The following QKI variants were observed in gnomAD, a reference collection of about 807,000 sequenced individuals.
QKI encodes QKI, KH domain containing RNA binding, also known as KH domain-containing RNA-binding protein QKI.
QKI carries 10 observed loss-of-function variants against 39.0 expected under a neutral mutation model. The observed-to-expected ratio is 0.26, with a 90% CI of 0.16 to 0.43. The LOEUF is 0.43. QKI is among the 20% of genes least tolerant of loss of function. The pLI is 1.00. For missense variants in QKI, 218 were observed against 428.0 expected (o/e 0.51, Z 4.33); for synonymous variants, 204 against 155.4 (o/e 1.31, Z -2.33).
At chr6:163,490,410 T>A (rs1562482802) in intron 3 of QKI, among the ~76,000 whole-genome samples, 1 of 152,204 alleles carries the variant, frequency 6.6e-6, no homozygotes. Context: ...GCAGCGGAGA[T>A]GATATATACA....
chr6:163,450,167 C>G (rs1418057427), intron 1 of QKI, among the ~76,000 whole-genome samples: 1 of 152,098 alleles, frequency 6.6e-6, no homozygotes, highest in African/African-American at 2.4e-5. Flanking sequence ...AAGCAATTCT[C>G]CTGCCTCAGC....
Position 163,415,095 on chromosome 6 carries a change from G to C in QKI, c.-99G>C. On this transcript the variant is annotated 5_prime_UTR_variant, in exon 1 of 8. Coordinates refer to ENST00000361752, the MANE Select transcript of QKI (RefSeq NM_006775.3). ...GAGCCGGCGCGGAGCGGGACGCCGG[G>C]TCCCGAGCGGCCCGCGGCCGGGGCT... 2.0e-6 allele frequency: 2 copies of C among 1,015,536 alleles called. No individual in the cohort carries two copies. Among genetic ancestry groups the C allele is most frequent in the Non-Finnish European group, 2.4e-6 (2 of 847,084 alleles). 62.9% of individuals were successfully genotyped at this position (1,015,536 alleles called of 1,614,324 possible).
At position 163,576,864 on chromosome 6, in the gene QKI, C is replaced by T. The variant is rs1200940291; in HGVS notation, c.*6154C>T. 6.6e-6 allele frequency: 1 copy of T among 152,148 alleles called. No individual in the cohort carries two copies. The highest frequency in any genetic ancestry group is 2.4e-5 in the African/African-American group (1 of 41,424). The allele number at this position is 152,148 out of a possible 1,614,324, so 9.4% of individuals were successfully genotyped here. A position where few individuals can be genotyped will look rare whatever the true frequency, so the allele number is the denominator to read the frequency against. ...AGTTATTATAACATTAGAAAATGAG[C>T]ATAACATTCACTCTGATTTTAGCCA... On this transcript the variant is annotated 3_prime_UTR_variant, in exon 8 of 8. Transcript: ENST00000361752.
intron 2 of QKI, among the ~76,000 whole-genome samples, chr6:163,476,648 G>A (rs769260492): frequency 5.3e-5 from 8 of 152,162 alleles, no homozygotes; most frequent in Non-Finnish European, 1.0e-4. Flanking sequence ...AGTGATGGTC[G>A]CTTGTTCTGT....
chr6:163,524,790 C>T (rs1164770316), intron 3 of QKI, among the ~76,000 whole-genome samples: 2 of 152,118 alleles, frequency 1.3e-5, no homozygotes, highest in African/African-American at 4.8e-5. Flanking sequence ...CTACGATCAT[C>T]TATTCTAGAT....
intron 3 of QKI, among the ~76,000 whole-genome samples, chr6:163,485,070 T>C (rs1777562149): frequency 1.3e-5 from 2 of 152,254 alleles, no homozygotes; most frequent in South Asian, 4.1e-4. Flanking sequence ...TATTTCATCA[T>C]AAATCACAAT....
intron 4 of QKI, among the ~76,000 whole-genome samples, chr6:163,540,065 G>A (rs1781419980): frequency 6.6e-6 from 1 of 150,998 alleles, no homozygotes; most frequent in South Asian, 2.1e-4. Context: ...TTTTTAAATG[G>A]GAAATATTCC....
chr6:163,447,375 C>G (rs1790237627), intron 1 of QKI, among the ~76,000 whole-genome samples: 1 of 150,726 alleles, frequency 6.6e-6, no homozygotes, highest in Non-Finnish European at 1.5e-5. Flanking sequence ...GTTCTCTCTT[C>G]TAGCTACTTT....
At position 163,518,580 on chromosome 6, in the gene QKI, G is replaced by T. The variant is rs958342096; in HGVS notation, c.403-16402G>T. On this transcript the variant is annotated intron_variant, in intron 3 of 7. Transcript: ENST00000361752. ...AACCTTATGAACATTTTAAGGAAGA[G>T]AGTATTTTGTACCTTTTTGTGAAGA... Among the ~76,000 whole-genome samples, 14 of 152,254 alleles carry T rather than the reference G, an allele frequency of 9.2e-5. No homozygotes were observed. The East Asian group carries it at 2.3e-3, about 25-fold the overall frequency.
intron 2 of QKI, among the ~76,000 whole-genome samples, chr6:163,476,854 G>A (rs1234603): frequency 0.78 from 119,075 of 152,024 alleles, 46,813 homozygotes; most frequent in East Asian, 1. Context: ...TATTGTGACT[G>A]TATGGCAAAC....
intron 1 of QKI, among the ~76,000 whole-genome samples, chr6:163,450,160 C>G (rs1431919476): frequency 1.3e-5 from 2 of 152,058 alleles, no homozygotes; most frequent in Admixed American, 1.3e-4. Context: ...CGAGTTTAAG[C>G]AATTCTCCTG....
chr6:163,443,446 T>A (rs1789907457), intron 1 of QKI, among the ~76,000 whole-genome samples: 1 of 152,216 alleles, frequency 6.6e-6, no homozygotes, highest in Non-Finnish European at 1.5e-5. Context: ...CGGGTGCCTG[T>A]ATTCCCAGCT....
At position 163,508,329 on chromosome 6, in the gene QKI, G is replaced by C. The variant is rs1779222812; in HGVS notation, c.403-26653G>C. ...ATGAACACAAGGAAGACTACACTGAGTTACATCAGAGGGTAAAACTGTGAA... is the reference window on the plus strand; with the variant it reads ...ATGAACACAAGGAAGACTACACTGACTTACATCAGAGGGTAAAACTGTGAA... On this transcript the variant is annotated intron_variant, in intron 3 of 7. Coordinates refer to ENST00000361752, the MANE Select transcript of QKI (RefSeq NM_006775.3). Among the ~76,000 whole-genome samples the C allele has an allele frequency of 1.3e-5, 2 of 152,094 alleles. 1 individual carries two copies. Among genetic ancestry groups the C allele is most frequent in the South Asian group, 4.1e-4 (2 of 4,828 alleles).
At chr6:163,500,935 C>T (rs1037086424) in intron 3 of QKI, among the ~76,000 whole-genome samples, 16 of 152,088 alleles carry the variant, frequency 1.1e-4, no homozygotes, top group Non-Finnish European at 2.1e-4. Context: ...TTCTCCCCTC[C>T]AATGTATGCG....
chr6:163,416,038 C>A, intron 1 of QKI: 1 of 126,734 alleles, frequency 7.9e-6, no homozygotes, highest in Non-Finnish European at 1.5e-5. Flanking sequence ...GGGAGTTGAA[C>A]TTCACTTTTC....
intron 1 of QKI, among the ~76,000 whole-genome samples, chr6:163,447,691 C>A (rs1790257065): frequency 2.0e-5 from 3 of 152,000 alleles, no homozygotes; most frequent in Admixed American, 2.0e-4. Flanking sequence ...TGTAATATAT[C>A]CTCCTTCAGA....
chr6:163,576,109 T>A lies in QKI; in HGVS notation c.*5399T>A, dbSNP rs2128254646. ...AATTCCTTAATACCTTTATTTAAAA[T>A]GGAAAAAATATGGACAATATTTTAG... On this transcript the variant is annotated 3_prime_UTR_variant, in exon 8 of 8. Coordinates refer to ENST00000361752, the MANE Select transcript of QKI (RefSeq NM_006775.3). The A allele has an allele frequency of 6.6e-6, 1 of 152,286 alleles. No homozygotes were observed. Among genetic ancestry groups the A allele is most frequent in the East Asian group, 1.9e-4 (1 of 5,178 alleles). 9.4% of individuals were successfully genotyped at this position (152,286 alleles called of 1,614,324 possible).
chr6:163,575,160 AGTC>A lies in QKI; in HGVS notation c.*4451_*4453del, dbSNP rs1333972691. On this transcript the variant is annotated 3_prime_UTR_variant, in exon 8 of 8. Coordinates refer to ENST00000361752, the MANE Select transcript of QKI (RefSeq NM_006775.3). ...CCGTTGCCATAACAGTTCATGTAGT[AGTC>A]TGTGAAAATTCGAAGCTGTCTGTCA... 1 of 152,202 alleles carries A rather than the reference AGTC, an allele frequency of 6.6e-6. No individual in the cohort carries two copies. Among genetic ancestry groups the A allele is most frequent in the African/African-American group, 2.4e-5 (1 of 41,456 alleles). The allele number at this position is 152,202 out of a possible 1,614,324, so 9.4% of individuals were successfully genotyped here. A position where few individuals can be genotyped will look rare whatever the true frequency, so the allele number is the denominator to read the frequency against.
chr6:163,491,365 G>T (rs1778042784), intron 3 of QKI, among the ~76,000 whole-genome samples: 1 of 152,224 alleles, frequency 6.6e-6, no homozygotes. Context: ...ACTTCCGGCC[G>T]CACTGGTTTA....
Sources: allele counts gnomAD v4.1 joint callset (sites outside exome capture counted in the v4.1 genomes callset), GRCh38; gene constraint gnomAD v4.1.1; transcripts MANE v1.5; gene names NCBI Gene and HGNC (gene_info 2026-07-23, HGNC 2026-07-21).